The following PAG1 variants were observed in gnomAD, a reference collection of about 807,000 sequenced individuals.
The protein encoded by PAG1 is phosphoprotein associated with glycosphingolipid-enriched microdomains 1.
PAG1 carries 23 observed loss-of-function variants against 31.7 expected under a neutral mutation model. The observed-to-expected ratio is 0.73, with a 90% CI of 0.52 to 1.03. PAG1 has a LOEUF of 1.03. Ranked by LOEUF, PAG1 falls within the 50% of genes least tolerant of loss-of-function variation. The probability of loss-of-function intolerance (pLI) is 0.00; values close to 1 mark genes in which losing one functional copy is unlikely to be tolerated. For missense variants in PAG1, 473 were observed against 540.7 expected, an observed-to-expected ratio of 0.87 and a Z score of 1.24; for synonymous variants, 214 against 210.3, an observed-to-expected ratio of 1.02 and a Z score of -0.15.
intron 3 of PAG1, among the ~76,000 whole-genome samples, chr8:81,015,541 G>A (rs1294210484): frequency 6.9e-6 from 1 of 145,164 alleles, no homozygotes; most frequent in Non-Finnish European, 1.5e-5. Flanking sequence ...TTTGTAAGAA[G>A]CACTTGGAGG....
chr8:80,971,112 T>C lies in PAG1; in HGVS notation c.*5432A>G, dbSNP rs1807068826. ...ACAAAATGTTCAAGCTAATAAGAGA[T>C]ATTTTTGGTCTTAAAACTAAGGTTT... On this transcript the variant is annotated 3_prime_UTR_variant, in exon 9 of 9. Transcript: ENST00000220597. 1 of 152,224 alleles carries C rather than the reference T, an allele frequency of 6.6e-6. No homozygotes were observed. The highest frequency in any genetic ancestry group is 1.5e-5 in the Non-Finnish European group (1 of 68,030). 9.4% of individuals were successfully genotyped at this position (152,224 alleles called of 1,614,324 possible).
chr8:81,018,094 C>G (rs1004716983), intron 3 of PAG1, among the ~76,000 whole-genome samples: 2 of 152,150 alleles, frequency 1.3e-5, no homozygotes, highest in African/African-American at 4.8e-5. Flanking sequence ...AAGTAACTTC[C>G]TGATAATTAA....
At position 80,976,393 on chromosome 8, in the gene PAG1, C is replaced by T. The variant is rs959243654; in HGVS notation, c.*151G>A. On this transcript the variant is annotated 3_prime_UTR_variant, in exon 9 of 9. Coordinates refer to ENST00000220597, the MANE Select transcript of PAG1 (RefSeq NM_018440.4). ...GTACCTCTCTGTCTCAGAAACTGAACAACTGGGAGAACAGTCGACAGGGCC... is the reference window on the plus strand; with the variant it reads ...GTACCTCTCTGTCTCAGAAACTGAATAACTGGGAGAACAGTCGACAGGGCC... The T allele has an allele frequency of 5.9e-5, 45 of 759,612 alleles. No individual in the cohort carries two copies. The highest frequency in any genetic ancestry group is 5.4e-4 in the African/African-American group (31 of 57,070). 47.1% of individuals were successfully genotyped at this position (759,612 alleles called of 1,614,324 possible).
intron 2 of PAG1, among the ~76,000 whole-genome samples, chr8:81,059,760 T>G (rs1808888134): frequency 6.6e-6 from 1 of 152,182 alleles, no homozygotes; most frequent in African/African-American, 2.4e-5. Flanking sequence ...GTGTTGTGGC[T>G]CATGCCTGTA....
At chr8:80,993,367 T>C (rs1362294223) in intron 3 of PAG1, 60 bp from the exon 4 acceptor site, 3 of 853,196 alleles carry the variant, frequency 3.5e-6, no homozygotes, top group South Asian at 2.0e-5. Flanking sequence ...GAATCTGTAA[T>C]TCGGTCCCTG....
chr8:81,031,544 C>A (rs1808378057), intron 2 of PAG1, among the ~76,000 whole-genome samples: 1 of 152,084 alleles, frequency 6.6e-6, no homozygotes, highest in Non-Finnish European at 1.5e-5. Flanking sequence ...CCTGAATTAG[C>A]CAGAAATATG....
intron 3 of PAG1, among the ~76,000 whole-genome samples, chr8:81,005,024 T>C (rs1453578035): frequency 2.6e-5 from 4 of 152,196 alleles, no homozygotes. Context: ...AGTGAAAGCT[T>C]AAAACAGAAA....
intron 2 of PAG1, among the ~76,000 whole-genome samples, chr8:81,034,135 C>T (rs1366297734): frequency 1.3e-5 from 2 of 152,180 alleles, no homozygotes; most frequent in Non-Finnish European, 2.9e-5. Context: ...AAAGGTCATC[C>T]ATAAATCAAC....
intron 1 of PAG1, among the ~76,000 whole-genome samples, chr8:81,082,338 A>G (rs910364618): frequency 3.9e-5 from 6 of 152,124 alleles, no homozygotes; most frequent in Non-Finnish European, 7.4e-5. Flanking sequence ...ATTAAAAAAT[A>G]AAAAGAAAAA....
intron 1 of PAG1, among the ~76,000 whole-genome samples, chr8:81,099,138 T>C (rs1413664879): frequency 6.6e-6 from 1 of 152,238 alleles, no homozygotes; most frequent in East Asian, 1.9e-4. Context: ...ATTACATTAA[T>C]ATACAATGAA....
intron 3 of PAG1, among the ~76,000 whole-genome samples, chr8:81,029,402 G>A (rs907227266): frequency 5.3e-5 from 8 of 151,168 alleles, no homozygotes; most frequent in Admixed American, 1.3e-4. Context: ...CTCCCCACAA[G>A]AGGCATTAAA....
chr8:81,087,577 G>C (rs1299387526), intron 1 of PAG1, among the ~76,000 whole-genome samples: 1 of 152,120 alleles, frequency 6.6e-6, no homozygotes, highest in East Asian at 1.9e-4. Flanking sequence ...TCATACAACA[G>C]AACTGTATTC....
intron 7 of PAG1, 68 bp from the exon 8 acceptor site, chr8:80,980,562 G>T: frequency 1.0e-6 from 1 of 993,504 alleles, no homozygotes; most frequent in South Asian, 1.3e-5. Flanking sequence ...TTTTGCACAT[G>T]TTTCCTCATA....
At chr8:81,002,619 C>A (rs1208777036) in intron 3 of PAG1, among the ~76,000 whole-genome samples, 3 of 152,216 alleles carry the variant, frequency 2.0e-5, no homozygotes, top group Non-Finnish European at 4.4e-5. Context: ...GATGTACTGC[C>A]ATCGTAAGGA....
At chr8:81,065,989 T>C (rs1464540166) in intron 2 of PAG1, among the ~76,000 whole-genome samples, 1 of 152,190 alleles carries the variant, frequency 6.6e-6, no homozygotes, top group Non-Finnish European at 1.5e-5. Context: ...TATTCCAAAG[T>C]GAATGAAGTA....
intron 3 of PAG1, among the ~76,000 whole-genome samples, chr8:80,999,481 T>C (rs1208368331): frequency 1.3e-5 from 2 of 152,166 alleles, no homozygotes; most frequent in African/African-American, 4.8e-5. Context: ...TGAGTGTAGA[T>C]GAAAGAAACC....
At position 80,971,753 on chromosome 8, in the gene PAG1, T is replaced by C. The variant is rs1000498200; in HGVS notation, c.*4791A>G. The stretch of plus-strand genomic sequence containing the variant: ...TTTGGAATATTATTTTTCAGTTAAG[T>C]CAAAGAAGAACTTGAAAAAAATAAT... On this transcript the variant is annotated 3_prime_UTR_variant, in exon 9 of 9. Coordinates refer to ENST00000220597, the MANE Select transcript of PAG1 (RefSeq NM_018440.4). 1.3e-4 allele frequency: 20 copies of C among 152,150 alleles called. No individual in the cohort carries two copies. The highest frequency in any genetic ancestry group is 4.3e-4 in the African/African-American group (18 of 41,414). 9.4% of individuals were successfully genotyped at this position (152,150 alleles called of 1,614,324 possible). A position where few individuals can be genotyped will look rare whatever the true frequency, so the allele number is the denominator to read the frequency against.
At chr8:81,004,937 G>A (rs1807849075) in intron 3 of PAG1, among the ~76,000 whole-genome samples, 1 of 152,188 alleles carries the variant, frequency 6.6e-6, no homozygotes, top group Non-Finnish European at 1.5e-5. Flanking sequence ...TGGATCCCAG[G>A]GACCAGGAAG....
chr8:81,030,809 T>G (rs1808367103), intron 2 of PAG1, among the ~76,000 whole-genome samples: 1 of 152,024 alleles, frequency 6.6e-6, no homozygotes, highest in African/African-American at 2.4e-5. Context: ...CAAATAAGTC[T>G]CTCCCATATT....
Sources: gnomAD v4.1 joint callset for allele counts (sites outside exome capture counted in the v4.1 genomes callset) on GRCh38, gnomAD v4.1.1 for gene constraint, MANE v1.5 for transcripts, NCBI Gene and HGNC (gene_info 2026-07-23, HGNC 2026-07-21) for gene names.